The following OSBPL9 variants were observed in gnomAD, a reference collection of about 807,000 sequenced individuals.
The protein encoded by OSBPL9 is oxysterol-binding protein-related protein 9.
Under a neutral mutation model 106.6 loss-of-function variants are expected in OSBPL9, and 40 were observed. The observed-to-expected ratio is 0.38, with a 90% CI of 0.29 to 0.49. The LOEUF (loss-of-function observed/expected upper bound fraction) is 0.49. Ranked by LOEUF, OSBPL9 falls within the 20% of genes least tolerant of loss-of-function variation. The pLI, the probability that OSBPL9 is intolerant of heterozygous loss-of-function variation, is 0.97. For missense variants in OSBPL9, 609 were observed against 887.2 expected, an observed-to-expected ratio of 0.69 and a Z score of 3.98; for synonymous variants, 269 against 295.4, an observed-to-expected ratio of 0.91 and a Z score of 0.92.
At chr1:51,620,594 G>A (rs1012554378) in intron 1 of OSBPL9, among the ~76,000 whole-genome samples, 7 of 152,188 alleles carry the variant, frequency 4.6e-5, no homozygotes, top group Admixed American at 3.9e-4. Context: ...AGGGAAAAGT[G>A]CTTGAGACAA....
chr1:51,633,511 A>G (rs1645234816), intron 1 of OSBPL9, among the ~76,000 whole-genome samples: 1 of 151,898 alleles, frequency 6.6e-6, no homozygotes, highest in South Asian at 2.1e-4. Flanking sequence ...AGGATCAATG[A>G]GCCTGGGAAG....
In OSBPL9 at chr1:51,719,092, G is replaced by T. The variant is rs149119514; in HGVS notation, c.318+5013G>T. ...CTCACTTTTTTTCCTTTTGGATTTT[G>T]CCAGTTAGATGTCTCCCTGGAATTC... is the stretch of plus-strand genomic sequence containing the variant. On this transcript the variant is annotated intron_variant, in intron 4 of 23. Coordinates refer to ENST00000428468, the MANE Select transcript of OSBPL9 (RefSeq NM_024586.6). 2.7e-4 allele frequency among the ~76,000 whole-genome samples: 41 copies of T among 151,958 alleles called. 1 individual carries two copies. In the East Asian group the frequency reaches 5.4e-3, roughly 20 times the overall value.
At chr1:51,597,267 A>G (rs1449586922) in intron 1 of OSBPL9, among the ~76,000 whole-genome samples, 1 of 152,146 alleles carries the variant, frequency 6.6e-6, no homozygotes, top group African/African-American at 2.4e-5. Flanking sequence ...AGGGAGTGAC[A>G]TAATCAGAAT....
At chr1:51,727,255 T>C (rs1663295630) in intron 4 of OSBPL9, among the ~76,000 whole-genome samples, 1 of 152,026 alleles carries the variant, frequency 6.6e-6, no homozygotes, top group South Asian at 2.1e-4. Context: ...AAAAGAGTAT[T>C]AGTGAAGGTT....
At chr1:51,725,646 T>C (rs1662982053) in intron 4 of OSBPL9, among the ~76,000 whole-genome samples, 1 of 152,188 alleles carries the variant, frequency 6.6e-6, no homozygotes. Context: ...AAGTCCATCC[T>C]GTAAGTGGGA....
At chr1:51,683,019 G>C (rs1483869099) in intron 3 of OSBPL9, among the ~76,000 whole-genome samples, 6 of 151,936 alleles carry the variant, frequency 3.9e-5, no homozygotes, top group Admixed American at 3.9e-4. Context: ...TAGGATTACA[G>C]GTGTCTGCCA....
the OSBPL9 span, among the ~76,000 whole-genome samples, chr1:51,530,981 G>T: frequency 1.4e-5 from 2 of 143,894 alleles, no homozygotes; most frequent in African/African-American, 5.2e-5. Flanking sequence ...TGTAAAAAAA[G>T]AAAAAAATAG....
chr1:51,686,128 A>G (rs1653742615), intron 3 of OSBPL9, among the ~76,000 whole-genome samples: 2 of 152,224 alleles, frequency 1.3e-5, no homozygotes, highest in Admixed American at 1.3e-4. Flanking sequence ...ATTATGATAT[A>G]GAAGTGAGCC....
chr1:51,594,432 G>T (rs531265766), intron 1 of OSBPL9, among the ~76,000 whole-genome samples: 1 of 151,160 alleles, frequency 6.6e-6, no homozygotes, highest in African/African-American at 2.4e-5. Context: ...AAACAGAAAA[G>T]AAAAAAGAAA....
At chr1:51,541,317 A>G in the OSBPL9 span, among the ~76,000 whole-genome samples, 1 of 152,010 alleles carries the variant, frequency 6.6e-6, no homozygotes, top group South Asian at 2.1e-4. Context: ...TATCTTTTCT[A>G]CTTCATAGAT....
At chr1:51,660,311 A>T (rs1647060902) in intron 2 of OSBPL9, among the ~76,000 whole-genome samples, 1 of 152,202 alleles carries the variant, frequency 6.6e-6, no homozygotes, top group Non-Finnish European at 1.5e-5. Flanking sequence ...GACAACATTC[A>T]AAATTTAAAA....
At chr1:51,750,315 A>G (rs1221726802) in intron 8 of OSBPL9, 120 bp downstream of exon 8, 1 of 591,494 alleles carries the variant, frequency 1.7e-6, no homozygotes, top group Non-Finnish European at 2.9e-6. Flanking sequence ...ATTAAACTGT[A>G]TTGTGAGCTT....
the OSBPL9 span, among the ~76,000 whole-genome samples, chr1:51,554,745 T>G: frequency 6.6e-6 from 1 of 152,222 alleles, no homozygotes; most frequent in East Asian, 1.9e-4. Flanking sequence ...AGGTCTTATT[T>G]CTAACTTTTT....
At chr1:51,782,005 T>C (rs1223927115) in intron 16 of OSBPL9, among the ~76,000 whole-genome samples, 1 of 152,148 alleles carries the variant, frequency 6.6e-6, no homozygotes, top group East Asian at 1.9e-4. Flanking sequence ...GATGACATTT[T>C]AAAGCTCTAG....
intron 4 of OSBPL9, among the ~76,000 whole-genome samples, chr1:51,738,322 T>C (rs954329524): frequency 6.6e-6 from 1 of 152,086 alleles, no homozygotes; most frequent in Non-Finnish European, 1.5e-5. Context: ...ACCCGATTCC[T>C]GTACCAGATT....
At chr1:51,597,754 C>T (rs1308884453) in intron 1 of OSBPL9, among the ~76,000 whole-genome samples, 1 of 152,144 alleles carries the variant, frequency 6.6e-6, no homozygotes, top group Non-Finnish European at 1.5e-5. Flanking sequence ...AAAATAAGAG[C>T]CTCCTTTAGA....
At chr1:51,618,401 TAGAA>T (rs1408054222) in intron 1 of OSBPL9, among the ~76,000 whole-genome samples, 1 of 152,152 alleles carries the variant, frequency 6.6e-6, no homozygotes, top group Non-Finnish European at 1.5e-5. Flanking sequence ...ATAACTTACT[TAGAA>T]AGGTACTTTC....
intron 1 of OSBPL9, among the ~76,000 whole-genome samples, chr1:51,644,713 G>A (rs1646037051): frequency 1.3e-5 from 2 of 152,226 alleles, no homozygotes; most frequent in South Asian, 2.1e-4. Context: ...AGCCCTTGCC[G>A]AGAATGGGAG....
chr1:51,786,483 G>A (rs776196983), intron 21 of OSBPL9, 43 bp from the exon 22 acceptor site: 1 of 1,312,954 alleles, frequency 7.6e-7, no homozygotes, highest in South Asian at 1.2e-5. Context: ...ATTAGGTTAG[G>A]GGTTTATGGG....
Sources: allele counts gnomAD v4.1 joint callset (sites outside exome capture counted in the v4.1 genomes callset), GRCh38; gene constraint gnomAD v4.1.1; transcripts MANE v1.5; gene names NCBI Gene and HGNC (gene_info 2026-07-23, HGNC 2026-07-21).